The following OSTF1 variants were observed in gnomAD, a reference collection of about 807,000 sequenced individuals.
The protein encoded by OSTF1 is osteoclast stimulating factor 1.
A neutral mutation model predicts 37.2 loss-of-function variants in OSTF1; 27 were observed. That is an observed-to-expected ratio of 0.73 (90% CI 0.54 to 1.00). OSTF1 has a LOEUF of 1.00. Ranked by LOEUF, OSTF1 falls within the 50% of genes least tolerant of loss-of-function variation. OSTF1 has a pLI of 0.00. For missense variants in OSTF1, 232 were observed against 253.8 expected, an observed-to-expected ratio of 0.91 and a Z score of 0.58; for synonymous variants, 82 against 89.2, an observed-to-expected ratio of 0.92 and a Z score of 0.46.
intron 2 of OSTF1, among the ~76,000 whole-genome samples, chr9:75,117,899 A>T (rs920096413): frequency 1.3e-5 from 2 of 152,202 alleles, no homozygotes; most frequent in Admixed American, 6.5e-5. Flanking sequence ...TCTACCTCAA[A>T]ATAGCTCATA....
At chr9:75,097,392 T>C (rs1386558167) in intron 1 of OSTF1, among the ~76,000 whole-genome samples, 5 of 152,158 alleles carry the variant, frequency 3.3e-5, no homozygotes, top group Non-Finnish European at 7.3e-5. Flanking sequence ...TGTATCTAAA[T>C]ATTGGGGCTC....
chr9:75,124,899 A>T (rs1435614364), intron 2 of OSTF1, among the ~76,000 whole-genome samples: 1 of 152,188 alleles, frequency 6.6e-6, no homozygotes, highest in South Asian at 2.1e-4. Context: ...TGACTTCTTC[A>T]CTTCTTGAAA....
At position 75,093,060 on chromosome 9, in the gene OSTF1, C is replaced by CTT. The variant is rs1433476660; in HGVS notation, c.34+4336_34+4337dup. On this transcript the variant is annotated intron_variant, in intron 1 of 9. Coordinates refer to ENST00000346234, the MANE Select transcript of OSTF1 (RefSeq NM_012383.5). ...TTTCTTTCTCTCTCTCTCTTTCTTT[C>CTT]TTTCTTTTTTTTTTTTTGGAGATGG... 1.8e-3 allele frequency among the ~76,000 whole-genome samples: 248 copies of CTT among 134,958 alleles called. 7 individuals carry two copies. Among genetic ancestry groups the CTT allele is most frequent in the African/African-American group, 6.7e-3 (217 of 32,268 alleles). 88.5% of individuals were successfully genotyped at this position (134,958 alleles called of 152,430 possible).
chr9:75,137,846 A>G (rs1825867899), intron 8 of OSTF1, among the ~76,000 whole-genome samples: 1 of 152,212 alleles, frequency 6.6e-6, no homozygotes, highest in Non-Finnish European at 1.5e-5. Flanking sequence ...AACATTACAT[A>G]TATTACTTTT....
intron 1 of OSTF1, among the ~76,000 whole-genome samples, chr9:75,106,473 C>T (rs1475442786): frequency 6.6e-6 from 1 of 151,562 alleles, no homozygotes; most frequent in African/African-American, 2.4e-5. Flanking sequence ...GGTGAAACTC[C>T]GTCTCTACTA....
chr9:75,090,876 C>T (rs532072655), intron 1 of OSTF1, among the ~76,000 whole-genome samples: 1 of 152,272 alleles, frequency 6.6e-6, no homozygotes, highest in African/African-American at 2.4e-5. Flanking sequence ...GTGTGTTAGG[C>T]AATGGTATAG....
intron 1 of OSTF1, among the ~76,000 whole-genome samples, chr9:75,113,388 T>C (rs1041685550): frequency 6.6e-6 from 1 of 152,146 alleles, no homozygotes; most frequent in Non-Finnish European, 1.5e-5. Flanking sequence ...TGCTTTTTTG[T>C]GTGTAGATTA....
At chr9:75,097,067 T>C (rs1825099636) in intron 1 of OSTF1, among the ~76,000 whole-genome samples, 2 of 152,212 alleles carry the variant, frequency 1.3e-5, no homozygotes, top group Admixed American at 1.3e-4. Context: ...CTGCTGGTTT[T>C]TCAGGCAAGG....
intron 3 of OSTF1, 92 bp downstream of exon 3, chr9:75,127,711 A>T: frequency 1.4e-6 from 1 of 705,132 alleles, no homozygotes; most frequent in Non-Finnish European, 2.4e-6. Flanking sequence ...ATGTACATAG[A>T]AATACATATG....
In OSTF1 at chr9:75,088,646, TG is replaced by T; in HGVS notation, c.-44del. The T allele has an allele frequency of 6.3e-7, 1 of 1,591,736 alleles. No individual in the cohort carries two copies. On this transcript the variant is annotated 5_prime_UTR_variant, in exon 1 of 10. Coordinates refer to ENST00000346234, the MANE Select transcript of OSTF1 (RefSeq NM_012383.5). ...GGAGTGCCAGGTGGCGGGCAAGCGGTGGGCTTTTCGGCGGGGTCTTTAGGAT... is the reference window on the plus strand; with the variant it reads ...GGAGTGCCAGGTGGCGGGCAAGCGGTGGCTTTTCGGCGGGGTCTTTAGGAT...
chr9:75,138,542 CAAA>C (rs933457464), intron 8 of OSTF1, among the ~76,000 whole-genome samples: 25 of 151,958 alleles, frequency 1.6e-4, no homozygotes, highest in African/African-American at 5.6e-4. Context: ...CTTAGTGAAA[CAAA>C]AAGTAAAACA....
At chr9:75,132,972 TACACACACACACACACACACACAC>T (rs57913558) in intron 5 of OSTF1, among the ~76,000 whole-genome samples, 12 of 60,342 alleles carry the variant, frequency 2.0e-4, no homozygotes, top group Admixed American at 4.6e-4. Context: ...TACACACACA[TACACACACACACACACACACACAC>T]ACACACACAC....
At position 75,088,668 on chromosome 9, in the gene OSTF1, A is replaced by G; in HGVS notation, c.-25A>G. 6.2e-7 allele frequency: 1 copy of G among 1,604,772 alleles called. No homozygotes were observed. Among genetic ancestry groups the G allele is most frequent in the Non-Finnish European group, 8.5e-7 (1 of 1,175,566 alleles). ...CGGTGGGCTTTTCGGCGGGGTCTTT[A>G]GGATTTGCAGCTCCAGGAAGCGAGA... On this transcript the variant is annotated 5_prime_UTR_variant, in exon 1 of 10. Coordinates refer to ENST00000346234, the MANE Select transcript of OSTF1 (RefSeq NM_012383.5).
chr9:75,091,226 A>G (rs999803637), intron 1 of OSTF1, among the ~76,000 whole-genome samples: 2 of 151,704 alleles, frequency 1.3e-5, no homozygotes, highest in African/African-American at 4.8e-5. Context: ...CTGGGATTAC[A>G]GGCAGCCCGC....
At chr9:75,144,591 T>G (rs1825991614) in intron 9 of OSTF1, among the ~76,000 whole-genome samples, 1 of 152,158 alleles carries the variant, frequency 6.6e-6, no homozygotes, top group South Asian at 2.1e-4. Flanking sequence ...TCCTTCTCTC[T>G]CTTGCAAGAT....
intron 1 of OSTF1, among the ~76,000 whole-genome samples, chr9:75,113,914 A>AT (rs1333390043): frequency 1.5e-4 from 23 of 152,138 alleles, no homozygotes; most frequent in Non-Finnish European, 8.8e-5. Context: ...TCTAACAGAA[A>AT]TTTGTGTTCT....
intron 1 of OSTF1, among the ~76,000 whole-genome samples, chr9:75,099,018 C>A (rs1412324952): frequency 6.6e-6 from 1 of 152,084 alleles, no homozygotes; most frequent in African/African-American, 2.4e-5. Context: ...CTCACTGCAA[C>A]CTCCGCCTCC....
chr9:75,141,753 A>G (rs1564170954), intron 9 of OSTF1, among the ~76,000 whole-genome samples: 1 of 152,070 alleles, frequency 6.6e-6, no homozygotes, highest in Non-Finnish European at 1.5e-5. Flanking sequence ...AATGTACATT[A>G]TTATTATTTT....
At position 75,134,396 on chromosome 9, in the gene OSTF1, G is replaced by T; in HGVS notation, c.408+1G>T. 2 of 1,515,826 alleles carry T rather than the reference G, an allele frequency of 1.3e-6. No individual in the cohort carries two copies. Among genetic ancestry groups the T allele is most frequent in the Non-Finnish European group, 1.8e-6 (2 of 1,096,576 alleles). The allele number at this position is 1,515,826 out of a possible 1,614,324, so 93.9% of individuals were successfully genotyped here. On this transcript the variant is annotated splice_donor_variant, in intron 7 of 9. Coordinates refer to ENST00000346234, the MANE Select transcript of OSTF1 (RefSeq NM_012383.5). LOFTEE classifies it high-confidence loss of function. ...ACCAAATATTGAACTGAACCAGCAGGTAAGACTGCTTATTTGAAAATTATT... is the reference window on the plus strand; with the variant it reads ...ACCAAATATTGAACTGAACCAGCAGTTAAGACTGCTTATTTGAAAATTATT...
Sources: allele counts gnomAD v4.1 joint callset (sites outside exome capture counted in the v4.1 genomes callset), GRCh38; gene constraint gnomAD v4.1.1; transcripts MANE v1.5; gene names NCBI Gene and HGNC (gene_info 2026-07-23, HGNC 2026-07-21).